The following PRR19 variants were observed in gnomAD, a reference collection of about 807,000 sequenced individuals.
PRR19 encodes proline rich 19.
PRR19 carries 9 observed loss-of-function variants against 19.2 expected under a neutral mutation model. The observed-to-expected ratio is 0.47, with a 90% CI of 0.28 to 0.82. The LOEUF is 0.82. Among genes scored for constraint, PRR19 ranks in the 40% least tolerant of loss-of-function variants. PRR19 has a pLI of 0.11. For missense variants in PRR19, 457 were observed against 466.0 expected (o/e 0.98, Z 0.18); for synonymous variants, 190 against 191.0 (o/e 0.99, Z 0.04).
At chr19:42,307,825 T>C (rs932752601) in intron 1 of PRR19, among the ~76,000 whole-genome samples, 1 of 138,418 alleles carries the variant, frequency 7.2e-6, no homozygotes, top group Non-Finnish European at 1.5e-5. Flanking sequence ...TGGCGCGATC[T>C]CGGCCCACTG....
intron 1 of PRR19, among the ~76,000 whole-genome samples, chr19:42,304,287 C>G (rs1197626785): frequency 6.6e-6 from 1 of 151,174 alleles, no homozygotes; most frequent in African/African-American, 2.4e-5. Flanking sequence ...GGTGACACAG[C>G]GAGACTCTGT....
At position 42,310,675 on chromosome 19, in the gene PRR19, C is replaced by A; in HGVS notation, c.1006C>A (p.Leu336Ile). ...SPSPPSPLPS[L>I]SWVVAQSSPE... The stretch of plus-strand genomic sequence containing the variant: ...CAGCCCCCCTTCCCCACTGCCCAGC[C>A]TCTCCTGGGTAGTAGCCCAGAGCAG... Residue 336 changes from leucine to isoleucine, a missense_variant, in exon 3 of 3, where the codon CTC (leucine) becomes ATC (isoleucine). By Grantham distance (5) the Leu-to-Ile change is conservative. Coordinates refer to ENST00000341747, the MANE Select transcript of PRR19 (RefSeq NM_199285.3). 1 of 1,607,428 alleles carries A rather than the reference C, an allele frequency of 6.2e-7. No homozygotes were observed. Among genetic ancestry groups the A allele is most frequent in the Non-Finnish European group, 8.5e-7 (1 of 1,176,550 alleles).
In PRR19 at chr19:42,309,887, A is replaced by G; in HGVS notation, c.303A>G (p.Thr101=). The change falls in exon 2 of 3, where the codon ACA becomes ACG. Residue 101 remains threonine, a synonymous_variant. Transcript: ENST00000341747. The stretch of plus-strand genomic sequence containing the variant: ...GGACCCTGGTGCCAGGCAGCCCCAC[A>G]CTCCCCGCCAAGCCCTCCCCAAGCC... ...SSGTLVPGSP[T]LPAKPSPSPG... The G allele has an allele frequency of 6.2e-7, 1 of 1,613,336 alleles. No homozygotes were observed. Among genetic ancestry groups the G allele is most frequent in the Non-Finnish European group, 8.5e-7 (1 of 1,179,870 alleles).
At chr19:42,310,245 C>T (rs958638602) in intron 2 of PRR19, 26 bp from the exon 3 acceptor site, 74 of 1,613,812 alleles carry the variant, frequency 4.6e-5, no homozygotes, top group Non-Finnish European at 6.0e-5. Flanking sequence ...CTCAGCTAGC[C>T]TCTATGCTTC....
rs368098480 is a variant in PRR19, at chr19:42,310,332, A to G, written c.663A>G (p.Gln221=). The change falls in exon 3 of 3, where the codon CAA becomes CAG. Residue 221 remains glutamine (Q), a synonymous_variant. Transcript: ENST00000341747. ...CCTTCTGGATTAATAGCCCTGATCA[A>G]GTCCCAGAGCAGGAGAGGCAAAGGA... The part of the protein sequence containing the change: ...MTPFWINSPD[Q]VPEQERQRKQ... The G allele has an allele frequency of 5.8e-5, 93 of 1,614,030 alleles. No homozygotes were observed. The highest frequency in any genetic ancestry group is 7.6e-5 in the Non-Finnish European group (90 of 1,180,026).
intron 1 of PRR19, among the ~76,000 whole-genome samples, chr19:42,307,378 C>A (rs995740371): frequency 6.6e-6 from 1 of 152,080 alleles, no homozygotes; most frequent in African/African-American, 2.4e-5. Context: ...ACTTTCTGGT[C>A]CCCCAAATCC....
chr19:42,306,384 A>C (rs1307163447), intron 1 of PRR19, among the ~76,000 whole-genome samples: 1 of 152,154 alleles, frequency 6.6e-6, no homozygotes, highest in Admixed American at 6.5e-5. Context: ...CGTGTTAGCC[A>C]GGATGGTCTT....
chr19:42,310,070 C>T lies in PRR19; in HGVS notation c.486C>T (p.Pro162=), dbSNP rs1340606397. 6.2e-7 allele frequency: 1 copy of T among 1,614,096 alleles called. No individual in the cohort carries two copies. The highest frequency in any genetic ancestry group is 1.3e-5 in the African/African-American group (1 of 75,072). ...AGCTGAGTTTGCCACAGGCCTTCCC[C>T]CGGAGGAACCTGATTCAGGATGCCA... The part of the protein sequence containing the change: ...QCQLSLPQAF[P]RRNLIQDARD... The change falls in exon 2 of 3, where the codon CCC becomes CCT. Residue 162 remains proline, a synonymous_variant. Transcript: ENST00000341747.
rs765155102 is a variant in PRR19 at position 42,310,557 on chromosome 19, C to T, written c.888C>T (p.Pro296=). 3 of 1,614,060 alleles carry T rather than the reference C, an allele frequency of 1.9e-6. No homozygotes were observed. The highest frequency in any genetic ancestry group is 2.5e-6 in the Non-Finnish European group (3 of 1,180,032). The change falls in exon 3 of 3, where the codon CCC becomes CCT. Residue 296 remains proline (P), a synonymous_variant. Coordinates refer to ENST00000341747, the MANE Select transcript of PRR19 (RefSeq NM_199285.3). ...GCATCTGGCTGGTAGCCACGCCACC[C>T]CCTCCTCGGCCCTGGGGGGTTGGCC... ...LKSIWLVATP[P]PPRPWGVGLP...
intron 1 of PRR19, among the ~76,000 whole-genome samples, chr19:42,303,064 GGTGTGTGTGTGTGTGTGTGT>G (rs59660057): frequency 1.5e-5 from 2 of 133,962 alleles, no homozygotes; most frequent in Admixed American, 7.6e-5. Context: ...AAACACCGTG[GGTGTGTGTGTGTGTGTGTGT>G]GTGTGTGTGT....
In PRR19 at chr19:42,302,310, C is replaced by T. The variant is rs1174218527; in HGVS notation, c.-200C>T. The T allele has an allele frequency of 1.2e-6, 2 of 1,601,872 alleles. No individual in the cohort carries two copies. The highest frequency in any genetic ancestry group is 1.3e-5 in the African/African-American group (1 of 74,906). The stretch of plus-strand genomic sequence containing the variant: ...TGGCTGGGTTCTCCTCTCCACTCAT[C>T]TTGGCGCCGCAGCTCCTGCAGGATG... On this transcript the variant is annotated 5_prime_UTR_variant, in exon 1 of 3. Transcript: ENST00000341747.
rs915226464 is a variant in PRR19 at position 42,302,335 on chromosome 19, G to A, written c.-175G>A. On this transcript the variant is annotated 5_prime_UTR_variant, in exon 1 of 3. The change abolishes an upstream ATG in the 5' untranslated region. Coordinates refer to ENST00000341747, the MANE Select transcript of PRR19 (RefSeq NM_199285.3). ...CTTGGCGCCGCAGCTCCTGCAGGAT[G>A]AGCGAGTCGGGTCGGCCCGGGAGTG... 6.3e-7 allele frequency: 1 copy of A among 1,575,158 alleles called. No individual in the cohort carries two copies. The highest frequency in any genetic ancestry group is 1.2e-5 in the South Asian group (1 of 86,744).
In PRR19 at chr19:42,302,165, C is replaced by T; in HGVS notation, c.-345C>T. ...AATCAGGTAGTGAGAGTGGCACGAA[C>T]CAGCCGTTCTCCTGAGCCACCCCCC... On this transcript the variant is annotated 5_prime_UTR_variant, in exon 1 of 3. Transcript: ENST00000341747. 1 of 1,508,426 alleles carries T rather than the reference C, an allele frequency of 6.6e-7. No individual in the cohort carries two copies. The highest frequency in any genetic ancestry group is 1.4e-5 in the African/African-American group (1 of 72,274). 93.4% of individuals were successfully genotyped at this position (1,508,426 alleles called of 1,614,324 possible). A position where few individuals can be genotyped will look rare whatever the true frequency, so the allele number is the denominator to read the frequency against.
At position 42,309,627 on chromosome 19, in the gene PRR19, G is replaced by A; in HGVS notation, c.43G>A (p.Glu15Lys). 1 of 1,545,056 alleles carries A rather than the reference G, an allele frequency of 6.5e-7. No homozygotes were observed. Among genetic ancestry groups the A allele is most frequent in the South Asian group, 1.2e-5 (1 of 81,602 alleles). The change falls in exon 2 of 3, where the codon GAG becomes AAG. Residue 15 changes from glutamate (E) to lysine (K), a missense_variant. Coordinates refer to ENST00000341747, the MANE Select transcript of PRR19 (RefSeq NM_199285.3). ...AGTCTCCCAGCCTTTTCAGCAGCCT[G>A]AGAAACCTGGTCGTGTCCGTCGTCG... ...GPVSQPFQQP[E>K]KPGRVRRRKT...
intron 1 of PRR19, among the ~76,000 whole-genome samples, chr19:42,307,301 A>G (rs2038720010): frequency 6.6e-6 from 1 of 151,038 alleles, no homozygotes; most frequent in Non-Finnish European, 1.5e-5. Flanking sequence ...CTCTTTCTCT[A>G]CTATCTCTTT....
In PRR19 at chr19:42,309,659, TA is replaced by T; in HGVS notation, c.76del (p.Arg26GlyfsTer15). 1 of 1,586,898 alleles carries T rather than the reference TA, an allele frequency of 6.3e-7. No homozygotes were observed. Among genetic ancestry groups the T allele is most frequent in the African/African-American group, 1.3e-5 (1 of 74,238 alleles). ...KPGRVRRRKT[R>X]RERNKALVGS... Reference sequence around the variant, plus strand: ...CTGGTCGTGTCCGTCGTCGGAAGACTAGGCGGGAACGTAACAAGGCCCTGGT... The same window carrying T: ...CTGGTCGTGTCCGTCGTCGGAAGACTGGCGGGAACGTAACAAGGCCCTGGT... On this transcript the variant is annotated frameshift_variant, in exon 2 of 3. Transcript: ENST00000341747. LOFTEE classifies it high-confidence loss of function.
intron 1 of PRR19, 72 bp downstream of exon 1, chr19:42,302,575 G>C (rs757055548): frequency 1.1e-5 from 5 of 445,458 alleles, no homozygotes; most frequent in South Asian, 3.0e-5. Context: ...CTTCCCGCTC[G>C]GGCCGCTGAC....
chr19:42,310,297 A>C lies in PRR19; in HGVS notation c.628A>C (p.Lys210Gln). The change falls in exon 3 of 3, where the codon AAG becomes CAG. Residue 210 changes from lysine (K) to glutamine (Q), a missense_variant. Coordinates refer to ENST00000341747, the MANE Select transcript of PRR19 (RefSeq NM_199285.3). ...GGCCAAGCCTGGGGTCTCTGAGAGA[A>C]AGATGACACCCTTCTGGATTAATAG... ...PGAKPGVSERKMTPFWINSPD... is the reference protein window; with the variant it reads ...PGAKPGVSERQMTPFWINSPD... 8.1e-6 allele frequency: 13 copies of C among 1,614,144 alleles called. No individual in the cohort carries two copies. Among genetic ancestry groups the C allele is most frequent in the Non-Finnish European group, 1.1e-5 (13 of 1,180,012 alleles).
chr19:42,303,014 G>C (rs946480292), intron 1 of PRR19, among the ~76,000 whole-genome samples: 1 of 151,694 alleles, frequency 6.6e-6, no homozygotes, highest in African/African-American at 2.4e-5. Flanking sequence ...CCGCGCCAGG[G>C]CTTTAGTGAG....
Sources: gnomAD v4.1 joint callset for allele counts (sites outside exome capture counted in the v4.1 genomes callset) on GRCh38, gnomAD v4.1.1 for gene constraint, MANE v1.5 for transcripts, NCBI Gene and HGNC (gene_info 2026-07-23, HGNC 2026-07-21) for gene names.